ZNF76: variants seen among roughly 807,000 people sequenced by gnomAD.
The protein encoded by ZNF76 is zinc finger protein 76, also known as zinc finger protein 523.
In ZNF76, 66 loss-of-function variants were observed where a neutral mutation model predicts 66.9. That is an observed-to-expected ratio of 0.99 (90% CI 0.81 to 1.21). The LOEUF (loss-of-function observed/expected upper bound fraction) is 1.21. ZNF76 is among the 50% of genes most tolerant of loss of function. The probability of loss-of-function intolerance (pLI) is 0.00; values close to 1 mark genes in which losing one functional copy is unlikely to be tolerated. For missense variants in ZNF76, 729 were observed against 760.3 expected (o/e 0.96, Z 0.48); for synonymous variants, 275 against 296.1 (o/e 0.93, Z 0.73).
intron 1 of ZNF76, among the ~76,000 whole-genome samples, chr6:35,278,343 T>C (rs1239372619): frequency 2.6e-5 from 4 of 152,078 alleles, no homozygotes; most frequent in South Asian, 4.1e-4. Flanking sequence ...TAATTTTGTA[T>C]TTTTAGTAGA....
At chr6:35,291,870 G>A (rs983867181) in intron 9 of ZNF76, 133 bp downstream of exon 9, 11 of 994,030 alleles carry the variant, frequency 1.1e-5, no homozygotes, top group African/African-American at 8.0e-5. Flanking sequence ...CTGGTCTGGG[G>A]GTAGGGTATC....
chr6:35,281,136 C>T lies in ZNF76; in HGVS notation c.-16C>T, dbSNP rs954126141. 1.4e-5 allele frequency: 23 copies of T among 1,613,840 alleles called. No individual in the cohort carries two copies. The highest frequency in any genetic ancestry group is 3.4e-4 in the Middle Eastern group (2 of 5,948). ...GAAGCCAACTTCATGTCTGAGTGCA[C>T]GAGCAGCAGTTTGCCATGGAGAGCT... On this transcript the variant is annotated 5_prime_UTR_variant, in exon 2 of 14. The change creates a new upstream start codon in the 5' untranslated region. Transcript: ENST00000373953.
chr6:35,264,693 T>C (rs189731197), intron 1 of ZNF76, among the ~76,000 whole-genome samples: 1 of 152,290 alleles, frequency 6.6e-6, no homozygotes, highest in African/African-American at 2.4e-5. Context: ...AGTACTGTTA[T>C]CTAGGTTAAG....
At chr6:35,293,493 A>G (rs1228489134) in intron 11 of ZNF76, among the ~76,000 whole-genome samples, 1 of 152,164 alleles carries the variant, frequency 6.6e-6, no homozygotes, top group Non-Finnish European at 1.5e-5. Flanking sequence ...GGACACAATC[A>G]GGTGGCGACC....
chr6:35,291,822 C>A, intron 9 of ZNF76, 85 bp downstream of exon 9: 1 of 1,506,144 alleles, frequency 6.6e-7, no homozygotes, highest in South Asian at 1.2e-5. Context: ...ACATTCCCAA[C>A]TCCCAGCCCA....
chr6:35,278,527 C>T (rs2150356839), intron 1 of ZNF76, among the ~76,000 whole-genome samples: 1 of 152,342 alleles, frequency 6.6e-6, no homozygotes, highest in Admixed American at 6.5e-5. Context: ...GCAGCATCTG[C>T]AATGCAATGT....
intron 8 of ZNF76, 48 bp from the exon 9 acceptor site, chr6:35,291,510 C>T: frequency 6.2e-7 from 1 of 1,606,728 alleles, no homozygotes; most frequent in East Asian, 2.2e-5. Context: ...CTTGCTCCAG[C>T]ATGGCCCTCT....
rs199659554 is a variant in ZNF76, at chr6:35,292,762, C to G, written c.1140C>G (p.Ala380=). The G allele has an allele frequency of 1.2e-6, 2 of 1,613,900 alleles. No individual in the cohort carries two copies. The highest frequency in any genetic ancestry group is 1.7e-6 in the Non-Finnish European group (2 of 1,179,974). Residue 380 remains alanine, a synonymous_variant, in exon 10 of 14, where the codon GCC becomes GCG. Coordinates refer to ENST00000373953, the MANE Select transcript of ZNF76 (RefSeq NM_003427.5). This position sits in a 1 kb window ranked among gnomAD's most constrained non-coding sequence, Gnocchi z 4.7. ...ELEATEESEQ[A]LYEQQQLEAA... ...AGGCCACGGAGGAGAGCGAGCAGGC[C>G]CTCTATGAGCAGCAGCAACTTGAGG...
intron 1 of ZNF76, among the ~76,000 whole-genome samples, chr6:35,275,682 G>A (rs1787791434): frequency 1.3e-5 from 2 of 152,166 alleles, no homozygotes; most frequent in African/African-American, 4.8e-5. Flanking sequence ...CTCTTTTAAA[G>A]GTTTGTATTA....
chr6:35,294,605 G>C, intron 13 of ZNF76, 36 bp downstream of exon 13: 1 of 1,430,074 alleles, frequency 7.0e-7, no homozygotes, highest in Non-Finnish European at 9.9e-7. Context: ...GGATCCCACG[G>C]CCAGAGAAGT....
At position 35,281,129 on chromosome 6, in the gene ZNF76, G is replaced by A. The variant is rs780881460; in HGVS notation, c.-23G>A. The A allele has an allele frequency of 2.5e-6, 4 of 1,613,610 alleles. No individual in the cohort carries two copies. Among genetic ancestry groups the A allele is most frequent in the Middle Eastern group, 1.7e-4 (1 of 5,940 alleles). On this transcript the variant is annotated 5_prime_UTR_variant, in exon 2 of 14. Coordinates refer to ENST00000373953, the MANE Select transcript of ZNF76 (RefSeq NM_003427.5). The stretch of plus-strand genomic sequence containing the variant: ...CTGGCCAGAAGCCAACTTCATGTCT[G>A]AGTGCACGAGCAGCAGTTTGCCATG...
At chr6:35,267,255 A>G (rs1021886619) in intron 1 of ZNF76, among the ~76,000 whole-genome samples, 2 of 151,948 alleles carry the variant, frequency 1.3e-5, no homozygotes, top group African/African-American at 4.8e-5. Flanking sequence ...GGGCACCACC[A>G]CGCCTAGCTA....
intron 1 of ZNF76, among the ~76,000 whole-genome samples, chr6:35,265,724 A>G (rs137994396): frequency 0.014 from 2,151 of 152,206 alleles, 20 homozygotes; most frequent in Middle Eastern, 0.027. Flanking sequence ...AATGTGCCCT[A>G]TATATTCAAG....
chr6:35,290,495 A>G, intron 6 of ZNF76, 113 bp downstream of exon 6: 1 of 1,535,504 alleles, frequency 6.5e-7, no homozygotes. Context: ...TGGAGGGAAG[A>G]AATGAGGGTA....
chr6:35,286,423 C>T lies in ZNF76; in HGVS notation c.232+24C>T, dbSNP rs574134116. 1.1e-5 allele frequency: 18 copies of T among 1,609,282 alleles called. No individual in the cohort carries two copies. In the Middle Eastern group the frequency reaches 5.0e-4, roughly 44 times the overall value. On this transcript the variant is annotated intron_variant, in intron 4 of 13. Coordinates refer to ENST00000373953, the MANE Select transcript of ZNF76 (RefSeq NM_003427.5). The stretch of plus-strand genomic sequence containing the variant: ...AGGTAGGGTCACCATCATCACAACT[C>T]GGGGAAGGATGGGAGGCAGGACTGG...
intron 1 of ZNF76, among the ~76,000 whole-genome samples, chr6:35,275,742 G>A (rs892017196): frequency 3.9e-5 from 6 of 152,212 alleles, no homozygotes; most frequent in African/African-American, 1.2e-4. Flanking sequence ...TAGCCTGTAC[G>A]CGAGAACATG....
intron 8 of ZNF76, 76 bp downstream of exon 8, chr6:35,291,479 G>A: frequency 6.2e-7 from 1 of 1,610,408 alleles, no homozygotes; most frequent in South Asian, 1.1e-5. Context: ...ACTTAGACCT[G>A]GAGCCCAGTG....
intron 2 of ZNF76, among the ~76,000 whole-genome samples, chr6:35,283,722 TTGCTGATGCTTTCAGAACCCCAAG>T (rs1287642380): frequency 8.5e-5 from 13 of 152,238 alleles, no homozygotes; most frequent in Middle Eastern, 3.2e-3. Context: ...TGGCCGTAGC[TTGCTGATGCTTTCAGAACCCCAAG>T]TACTGATGCC....
Position 35,293,660 on chromosome 6 carries a change from C to A in ZNF76, c.1330-91C>A, listed in dbSNP as rs76527813. 9.9e-3 allele frequency: 14,430 copies of A among 1,456,776 alleles called. 109 individuals carry two copies. Among genetic ancestry groups the A allele is most frequent in the African/African-American group, 0.024 (1,736 of 71,478 alleles). The allele number at this position is 1,456,776 out of a possible 1,614,324, so 90.2% of individuals were successfully genotyped here. On this transcript the variant is annotated intron_variant, in intron 11 of 13. Coordinates refer to ENST00000373953, the MANE Select transcript of ZNF76 (RefSeq NM_003427.5). ...CTATGACATGAAACTAATAAGCTGACCTTGTCTGGGAGAGCAGGTATATCT... is the reference window on the plus strand; with the variant it reads ...CTATGACATGAAACTAATAAGCTGAACTTGTCTGGGAGAGCAGGTATATCT...
Sources: allele counts gnomAD v4.1 joint callset (sites outside exome capture counted in the v4.1 genomes callset), GRCh38; gene constraint gnomAD v4.1.1; non-coding constraint Gnocchi (gnomAD v3.1); transcripts MANE v1.5; gene names NCBI Gene and HGNC (gene_info 2026-07-23, HGNC 2026-07-21).